The following SMG1 variants were observed in gnomAD, a reference collection of about 807,000 sequenced individuals.
SMG1 encodes SMG1 nonsense mediated mRNA decay associated PI3K related kinase.
In SMG1, 22 loss-of-function variants were observed where a neutral mutation model predicts 419.9. That is an observed-to-expected ratio of 0.05 (90% CI 0.04 to 0.07). The LOEUF is 0.07. Ranked by LOEUF, SMG1 falls within the 10% of genes least tolerant of loss-of-function variation. The pLI, the probability that SMG1 is intolerant of heterozygous loss-of-function variation, is 1.00. For synonymous variants in SMG1, 1,538 were observed against 1,553.5 expected (o/e 0.99, Z 0.23); for missense variants, 3,185 against 4,342.0 (o/e 0.73, Z 7.49).
At chr16:18,846,345 C>T (rs189068760) in intron 38 of SMG1, among the ~76,000 whole-genome samples, 2 of 152,066 alleles carry the variant, frequency 1.3e-5, no homozygotes, top group East Asian at 3.9e-4. Context: ...GGATATGGCA[C>T]CAAAAGCACA....
intron 1 of SMG1, among the ~76,000 whole-genome samples, chr16:18,902,472 G>C (rs1210871993): frequency 6.6e-6 from 1 of 152,100 alleles, no homozygotes; most frequent in African/African-American, 2.4e-5. Flanking sequence ...GGAGGCCCAG[G>C]CAGGCAGATC....
intron 1 of SMG1, among the ~76,000 whole-genome samples, chr16:18,901,722 C>A (rs545676221): frequency 4.5e-4 from 68 of 152,112 alleles, no homozygotes; most frequent in Non-Finnish European, 8.7e-4. Flanking sequence ...CACCTGTAAT[C>A]CCAGCACTTT....
At chr16:18,867,155 T>C (rs1459176939) in intron 22 of SMG1, among the ~76,000 whole-genome samples, 1 of 152,208 alleles carries the variant, frequency 6.6e-6, no homozygotes, top group Non-Finnish European at 1.5e-5. Context: ...TTGCTAAACA[T>C]TTTGTTATTT....
chr16:18,868,300 G>A lies in SMG1; in HGVS notation c.3085C>T (p.Arg1029Trp), dbSNP rs1278851035. 2.0e-6 allele frequency: 3 copies of A among 1,478,106 alleles called. No homozygotes were observed. Among genetic ancestry groups the A allele is most frequent in the South Asian group, 2.4e-5 (2 of 83,210 alleles). 91.6% of individuals were successfully genotyped at this position (1,478,106 alleles called of 1,614,324 possible). A position where few individuals can be genotyped will look rare whatever the true frequency, so the allele number is the denominator to read the frequency against. Residue 1029 changes from arginine to tryptophan, a missense_variant, in exon 22 of 63, where the codon CGG (arginine) becomes TGG (tryptophan). Transcript: ENST00000446231. ...ACCCTCATGATGGAGAGTCGAATCC[G>A]CGTTAGCCAGTCCTGACAAGTTTGG... ...NRQTCQDWLTRIRLSIMRVGL... is the reference protein window; with the variant it reads ...NRQTCQDWLTWIRLSIMRVGL...
chr16:18,900,545 G>T (rs1363372983), intron 1 of SMG1, among the ~76,000 whole-genome samples: 4 of 152,170 alleles, frequency 2.6e-5, no homozygotes, highest in Admixed American at 6.6e-5. Flanking sequence ...CTACTAGGAA[G>T]TATTTCCATA....
At chr16:18,899,857 G>A (rs1025419242) in intron 1 of SMG1, 1 of 643,924 alleles carries the variant, frequency 1.6e-6, no homozygotes, top group Non-Finnish European at 2.8e-6. Context: ...TACCTCTACA[G>A]CCCCTTTAAT....
Position 18,848,041 on chromosome 16 carries a change from G to T in SMG1, c.5624-8C>A. ...CAGTGGAAAATTTATTTCCTGTAAT[G>T]AAATAGGAGAACAAGGAATATTTTG... On this transcript the variant is annotated splice_region_variant and splice_polypyrimidine_tract_variant and intron_variant, in intron 36 of 62. Coordinates refer to ENST00000446231, the MANE Select transcript of SMG1 (RefSeq NM_015092.5). 1 of 1,599,776 alleles carries T rather than the reference G, an allele frequency of 6.3e-7. No individual in the cohort carries two copies. Among genetic ancestry groups the T allele is most frequent in the Non-Finnish European group, 8.6e-7 (1 of 1,167,430 alleles).
chr16:18,833,102 T>C lies in SMG1; in HGVS notation c.8630A>G (p.Glu2877Gly), dbSNP rs770372233. ...ATGCAGCATACTTTCTAACGTGTAT[T>C]CCCCTTTCATTAAACATCGAAGTGC... ...PEALRCLMKG[E>G]YTLESMLHEL... is the part of the protein sequence containing the mutation. Residue 2877 changes from glutamate (E) to glycine (G), a missense_variant, in exon 51 of 63, where the codon GAA (glutamate) becomes GGA (glycine). This residue lies in a region of SMG1 where 412 missense variants were observed against 546.6 expected (regional missense o/e 0.75). Coordinates refer to ENST00000446231, the MANE Select transcript of SMG1 (RefSeq NM_015092.5). 4 of 1,613,904 alleles carry C rather than the reference T, an allele frequency of 2.5e-6. No homozygotes were observed. In the African/African-American group the frequency reaches 4.0e-5, roughly 16 times the overall value.
chr16:18,829,562 A>G lies in SMG1; in HGVS notation c.9327T>C (p.Phe3109=), dbSNP rs771799433. The change falls in exon 54 of 63, where the codon TTT becomes TTC. Residue 3109 remains phenylalanine (F), a synonymous_variant. Transcript: ENST00000446231. ...TGATGTCTACACCCAGAGCACTGAT[A>G]AAACTGCACAGTGTGAGTCCGAGGG... ...NQALGLTLCS[F]ISALGVDIIA... is the part of the protein sequence containing the mutation. 3.3e-5 allele frequency: 54 copies of G among 1,613,910 alleles called. No individual in the cohort carries two copies. The highest frequency in any genetic ancestry group is 4.6e-5 in the Non-Finnish European group (54 of 1,179,900).
At chr16:18,854,082 C>CTTTTTTTTTTTTTTTTTTTTTTTTTTT (rs11448105) in intron 30 of SMG1, among the ~76,000 whole-genome samples, 1 of 84,012 alleles carries the variant, frequency 1.2e-5, no homozygotes, top group Non-Finnish European at 2.1e-5. Context: ...AAATACTAAA[C>CTTTTTTTTTTTTTTTTTTTTTTTTTTT]TTTTTTTTTT....
chr16:18,871,510 T>C, intron 15 of SMG1, 28 bp from the exon 16 acceptor site: 3 of 1,299,482 alleles, frequency 2.3e-6, no homozygotes, highest in Non-Finnish European at 3.1e-6. Context: ...CAGTTGACTG[T>C]ACATTAAAAA....
At chr16:18,842,658 C>G (rs2033991483) in intron 39 of SMG1, among the ~76,000 whole-genome samples, 1 of 152,120 alleles carries the variant, frequency 6.6e-6, no homozygotes, top group Non-Finnish European at 1.5e-5. Context: ...AACCCCATCT[C>G]TACAAAGAAT....
At chr16:18,909,905 CCTAT>C (rs1051304110) in intron 1 of SMG1, among the ~76,000 whole-genome samples, 1 of 151,978 alleles carries the variant, frequency 6.6e-6, no homozygotes, top group African/African-American at 2.4e-5. Flanking sequence ...CTACACAAAC[CCTAT>C]CTTTTTCTTT....
chr16:18,875,054 C>T (rs1459483577), intron 13 of SMG1: 1 of 151,872 alleles, frequency 6.6e-6, no homozygotes, highest in Non-Finnish European at 1.5e-5. Flanking sequence ...AGGATGGGAC[C>T]CAAGTCTAAA....
At chr16:18,866,851 G>C in intron 22 of SMG1, 76 bp from the exon 23 acceptor site, 1 of 1,231,256 alleles carries the variant, frequency 8.1e-7, no homozygotes, top group Non-Finnish European at 1.2e-6. Flanking sequence ...CAACTGATCA[G>C]TCTGTGCCTG....
chr16:18,817,644 T>C (rs989227177), intron 56 of SMG1, among the ~76,000 whole-genome samples, 174 bp from the exon 57 acceptor site: 2 of 152,170 alleles, frequency 1.3e-5, no homozygotes. Flanking sequence ...TAAATAAATG[T>C]ACATTTATAC....
intron 1 of SMG1, among the ~76,000 whole-genome samples, chr16:18,916,993 A>G (rs2038007478): frequency 6.6e-6 from 1 of 152,232 alleles, no homozygotes; most frequent in Non-Finnish European, 1.5e-5. Context: ...TGACACTTAT[A>G]TGACATTCCA....
At chr16:18,810,091 G>A (rs10500402) in intron 62 of SMG1, among the ~76,000 whole-genome samples, 46,865 of 151,772 alleles carry the variant, frequency 0.31, 7,970 homozygotes, top group Non-Finnish European at 0.39. Flanking sequence ...ATTGAATTAC[G>A]GATGCCAAAC....
At chr16:18,908,476 C>CAAAA (rs59890240) in intron 1 of SMG1, among the ~76,000 whole-genome samples, 9 of 83,696 alleles carry the variant, frequency 1.1e-4, no homozygotes, top group East Asian at 4.7e-4. Context: ...GACTCCGTCT[C>CAAAA]AAAAAAAAAA....
Sources: allele counts gnomAD v4.1 joint callset (sites outside exome capture counted in the v4.1 genomes callset), GRCh38; gene constraint gnomAD v4.1.1; regional missense constraint gnomAD v4.1.1; transcripts MANE v1.5; gene names NCBI Gene and HGNC (gene_info 2026-07-23, HGNC 2026-07-21).